Variants in NKAIN2 observed in about 807,000 individuals in gnomAD.
The protein encoded by NKAIN2 is sodium/potassium transporting ATPase interacting 2.
A neutral mutation model predicts 32.6 loss-of-function variants in NKAIN2; 14 were observed. The ratio of observed to expected loss-of-function variants is 0.43; its 90% CI spans 0.28 to 0.67. The LOEUF is 0.67. Ranked by LOEUF, NKAIN2 falls within the 30% of genes least tolerant of loss-of-function variation. NKAIN2 has a pLI of 0.17. For missense variants in NKAIN2, 198 were observed against 258.3 expected (o/e 0.77, Z 1.60); for synonymous variants, 80 against 87.2 (o/e 0.92, Z 0.46).
At chr6:124,441,555 T>A (rs1775689063) in intron 3 of NKAIN2, among the ~76,000 whole-genome samples, 2 of 151,982 alleles carry the variant, frequency 1.3e-5, no homozygotes, top group African/African-American at 4.8e-5. Flanking sequence ...TCTGAAAAGG[T>A]CCACATGGAG....
intron 3 of NKAIN2, among the ~76,000 whole-genome samples, chr6:124,417,954 C>G (rs956770193): frequency 6.6e-5 from 10 of 152,150 alleles, no homozygotes; most frequent in African/African-American, 2.4e-4. Flanking sequence ...ATCAGATAGA[C>G]AGGGTTGAAA....
chr6:124,022,098 A>G (rs752957582), intron 1 of NKAIN2, among the ~76,000 whole-genome samples: 13 of 143,236 alleles, frequency 9.1e-5, no homozygotes, highest in Non-Finnish European at 1.8e-4. Context: ...CCTGTGTCCA[A>G]GTGTTCTCAT....
At chr6:124,476,976 T>C in intron 3 of NKAIN2, among the ~76,000 whole-genome samples, 1 of 152,182 alleles carries the variant, frequency 6.6e-6, no homozygotes, top group East Asian at 1.9e-4. Flanking sequence ...AGTGTCACCC[T>C]TTGTACTGAA....
chr6:123,982,872 T>G (rs1488166477), intron 1 of NKAIN2, among the ~76,000 whole-genome samples: 1 of 152,070 alleles, frequency 6.6e-6, no homozygotes, highest in East Asian at 1.9e-4. Context: ...AACAATGAAG[T>G]TGGGCCTCAA....
At chr6:123,881,364 C>T (rs1352675) in intron 1 of NKAIN2, among the ~76,000 whole-genome samples, 1 of 151,912 alleles carries the variant, frequency 6.6e-6, no homozygotes, top group African/African-American at 2.4e-5. Context: ...AAAATAGAAA[C>T]AAGTTTGTAA....
At chr6:124,628,705 G>A (rs1467379531) in intron 3 of NKAIN2, among the ~76,000 whole-genome samples, 1 of 151,680 alleles carries the variant, frequency 6.6e-6, no homozygotes, top group Non-Finnish European at 1.5e-5. Flanking sequence ...AGATATGCTG[G>A]GTCCTTGAAA....
intron 1 of NKAIN2, among the ~76,000 whole-genome samples, chr6:123,975,015 T>C (rs914594565): frequency 6.6e-6 from 1 of 152,156 alleles, no homozygotes; most frequent in Non-Finnish European, 1.5e-5. Context: ...TATTTCCTCA[T>C]TTTAGCGTAT....
intron 4 of NKAIN2, among the ~76,000 whole-genome samples, chr6:124,718,888 A>C (rs1352741149): frequency 2.0e-5 from 3 of 152,122 alleles, no homozygotes; most frequent in Admixed American, 6.6e-5. Flanking sequence ...TATCTAAAAA[A>C]TCCAGGTAAA....
At chr6:124,729,547 T>C (rs1201011285) in intron 4 of NKAIN2, among the ~76,000 whole-genome samples, 2 of 151,702 alleles carry the variant, frequency 1.3e-5, no homozygotes, top group African/African-American at 2.4e-5. Flanking sequence ...TAGGTATTGA[T>C]GGGACATATT....
intron 4 of NKAIN2, among the ~76,000 whole-genome samples, chr6:124,714,973 C>T (rs1775683663): frequency 6.6e-6 from 1 of 152,072 alleles, no homozygotes; most frequent in African/African-American, 2.4e-5. Context: ...GCCAGCTGTC[C>T]CAGAAACCAT....
At chr6:124,288,937 C>A (rs549491980) in intron 2 of NKAIN2, among the ~76,000 whole-genome samples, 25 of 151,250 alleles carry the variant, frequency 1.7e-4, no homozygotes, top group Non-Finnish European at 3.7e-4. Flanking sequence ...ATTCTAAAAT[C>A]AAATGAAGGA....
intron 2 of NKAIN2, among the ~76,000 whole-genome samples, chr6:124,346,531 A>G (rs1279766946): frequency 6.6e-6 from 1 of 152,176 alleles, no homozygotes; most frequent in Non-Finnish European, 1.5e-5. Context: ...TATTGGGTGC[A>G]TATATATTTA....
At chr6:124,296,020 A>G (rs1583007441) in intron 2 of NKAIN2, among the ~76,000 whole-genome samples, 1 of 152,150 alleles carries the variant, frequency 6.6e-6, no homozygotes, top group East Asian at 1.9e-4. Flanking sequence ...TATAAAGAAC[A>G]GCATAATTCT....
At chr6:124,190,734 A>T (rs1789973517) in intron 1 of NKAIN2, among the ~76,000 whole-genome samples, 1 of 152,156 alleles carries the variant, frequency 6.6e-6, no homozygotes, top group South Asian at 2.1e-4. Flanking sequence ...GTGTTAGACA[A>T]ATTACATGTA....
chr6:123,946,294 A>G (rs981220125), intron 1 of NKAIN2, among the ~76,000 whole-genome samples: 2 of 152,142 alleles, frequency 1.3e-5, no homozygotes, highest in Non-Finnish European at 2.9e-5. Flanking sequence ...ATTGTTTTGT[A>G]CATTTGTTTC....
At chr6:123,972,301 G>A (rs994137451) in intron 1 of NKAIN2, among the ~76,000 whole-genome samples, 1 of 152,170 alleles carries the variant, frequency 6.6e-6, no homozygotes, top group Non-Finnish European at 1.5e-5. Flanking sequence ...CCTCCATATT[G>A]TTCAAGGGTC....
At chr6:124,403,764 C>A (rs753697569) in intron 3 of NKAIN2, among the ~76,000 whole-genome samples, 1 of 152,086 alleles carries the variant, frequency 6.6e-6, no homozygotes, top group Non-Finnish European at 1.5e-5. Context: ...ATTCTTCTGA[C>A]CTTGCCTTTA....
chr6:124,012,600 C>T (rs1780387887), intron 1 of NKAIN2, among the ~76,000 whole-genome samples: 1 of 152,054 alleles, frequency 6.6e-6, no homozygotes, highest in African/African-American at 2.4e-5. Context: ...TCCCAAAGTG[C>T]TAGGATTATA....
chr6:123,857,008 C>CT (rs1393343997), intron 1 of NKAIN2, among the ~76,000 whole-genome samples: 1 of 152,092 alleles, frequency 6.6e-6, no homozygotes, highest in Non-Finnish European at 1.5e-5. Flanking sequence ...AATTGTTTAT[C>CT]TTTTTTTCTC....
Sources: allele counts gnomAD v4.1 joint callset (sites outside exome capture counted in the v4.1 genomes callset), GRCh38; gene constraint gnomAD v4.1.1; transcripts MANE v1.5; gene names NCBI Gene and HGNC (gene_info 2026-07-23, HGNC 2026-07-21).